Variants in SORT1 observed in about 807,000 individuals in gnomAD.
SORT1 encodes the protein sortilin 1.
SORT1 carries 39 observed loss-of-function variants against 101.7 expected under a neutral mutation model. The ratio of observed to expected loss-of-function variants is 0.38; its 90% CI spans 0.30 to 0.50. The LOEUF (loss-of-function observed/expected upper bound fraction) is 0.50, where lower values mean the gene tolerates loss of function less well. SORT1 is among the 20% of genes least tolerant of loss of function. SORT1 has a pLI of 0.90. For synonymous variants in SORT1, 396 were observed against 393.7 expected, an observed-to-expected ratio of 1.01 and a Z score of -0.07; for missense variants, 878 against 1,040.4, an observed-to-expected ratio of 0.84 and a Z score of 2.15.
At chr1:109,371,974 A>C (rs1366594881) in intron 1 of SORT1, among the ~76,000 whole-genome samples, 1 of 152,232 alleles carries the variant, frequency 6.6e-6, no homozygotes, top group Non-Finnish European at 1.5e-5. Flanking sequence ...AAGAAAAATG[A>C]AATGAGATGT....
At chr1:109,339,016 T>C (rs1276370928) in intron 10 of SORT1, among the ~76,000 whole-genome samples, 1 of 152,138 alleles carries the variant, frequency 6.6e-6, no homozygotes, top group African/African-American at 2.4e-5. Flanking sequence ...TAGCTGGGAC[T>C]ACAGGTGTCC....
At chr1:109,341,006 G>T in intron 9 of SORT1, 127 bp from the exon 10 acceptor site, 1 of 678,466 alleles carries the variant, frequency 1.5e-6, no homozygotes, top group Non-Finnish European at 2.4e-6. Flanking sequence ...TCATGATGAA[G>T]ACTCAGACCT....
chr1:109,339,671 T>C (rs977461127), intron 10 of SORT1, among the ~76,000 whole-genome samples: 6 of 152,202 alleles, frequency 3.9e-5, no homozygotes, highest in African/African-American at 1.2e-4. Context: ...GGAAAACCCA[T>C]TGGTATTTCC....
At position 109,316,181 on chromosome 1, in the gene SORT1, T is replaced by G. The variant is rs147884127; in HGVS notation, c.2250+669A>C. Reference sequence around the variant, plus strand: ...CTACCTATTGCCCAGTGCTCTTCTCTTCCACACATGCACAATTCCAGGTCA... The same window carrying G: ...CTACCTATTGCCCAGTGCTCTTCTCGTCCACACATGCACAATTCCAGGTCA... On this transcript the variant is annotated intron_variant, in intron 17 of 19. Transcript: ENST00000256637. Among the ~76,000 whole-genome samples the G allele has an allele frequency of 4.5e-4, 69 of 152,216 alleles. No individual in the cohort carries two copies. In the East Asian group the frequency reaches 4.6e-3, roughly 10 times the overall value.
At chr1:109,370,258 G>A (rs1651404418) in intron 1 of SORT1, among the ~76,000 whole-genome samples, 2 of 152,144 alleles carry the variant, frequency 1.3e-5, no homozygotes, top group African/African-American at 2.4e-5. Context: ...AATAATCATT[G>A]TAGGTGGTTT....
rs1653269256 is a variant in SORT1, at chr1:109,397,567, C to A, written c.306+20G>T. 6.0e-6 allele frequency: 7 copies of A among 1,173,628 alleles called. No individual in the cohort carries two copies. Among genetic ancestry groups the A allele is most frequent in the African/African-American group, 1.7e-5 (1 of 60,554 alleles). 72.7% of individuals were successfully genotyped at this position (1,173,628 alleles called of 1,614,324 possible). ...CGGCACCTCGCACCCGAGCGGCTCC[C>A]GGGCCCGGCGCCCGCTCACCTGGTG... On this transcript the variant is annotated intron_variant, in intron 1 of 19. Transcript: ENST00000256637.
In SORT1 at chr1:109,397,892, T is replaced by TCGCCGCCGAATGCCGC. The variant is rs1553202434; in HGVS notation, c.-16_-1dup. ...TCCGCAGCTCCCCAGGGCCGCTCCA[T>TCGCCGCCGAATGCCGC]CGCCGCCGAATGCCGCCGACGCCGA... On this transcript the variant is annotated 5_prime_UTR_variant, in exon 1 of 20. Transcript: ENST00000256637. 8.6e-7 allele frequency: 1 copy of TCGCCGCCGAATGCCGC among 1,162,388 alleles called. No individual in the cohort carries two copies. The highest frequency in any genetic ancestry group is 1.6e-5 in the African/African-American group (1 of 60,840). The allele number at this position is 1,162,388 out of a possible 1,614,324, so 72.0% of individuals were successfully genotyped here. A position where few individuals can be genotyped will look rare whatever the true frequency, so the allele number is the denominator to read the frequency against.
At chr1:109,360,519 T>C (rs1650652977) in intron 3 of SORT1, among the ~76,000 whole-genome samples, 1 of 147,576 alleles carries the variant, frequency 6.8e-6, no homozygotes, top group East Asian at 2.0e-4. Flanking sequence ...TTTTTTTTGG[T>C]AGAGATGGGT....
chr1:109,325,421 A>G (rs1647938255), intron 13 of SORT1, among the ~76,000 whole-genome samples: 1 of 151,418 alleles, frequency 6.6e-6, no homozygotes, highest in Non-Finnish European at 1.5e-5. Context: ...TTGTATTTTT[A>G]GTAGAAATGG....
chr1:109,346,270 G>A (rs984047966), intron 7 of SORT1, among the ~76,000 whole-genome samples: 15 of 149,014 alleles, frequency 1.0e-4, no homozygotes, highest in African/African-American at 3.5e-4. Flanking sequence ...CAGAGATCGC[G>A]CCACTGTGCT....
intron 14 of SORT1, 95 bp from the exon 15 acceptor site, chr1:109,323,216 A>C: frequency 1.2e-6 from 1 of 839,956 alleles, no homozygotes; most frequent in Admixed American, 2.2e-5. Context: ...GGAGAGGGAA[A>C]GTGGGAATGT....
chr1:109,358,419 C>A (rs1650472709), intron 3 of SORT1, among the ~76,000 whole-genome samples: 1 of 152,168 alleles, frequency 6.6e-6, no homozygotes, highest in Non-Finnish European at 1.5e-5. Flanking sequence ...TATTTTCTAT[C>A]AGCCTATGTC....
chr1:109,382,628 T>A (rs1475404321), intron 1 of SORT1, among the ~76,000 whole-genome samples: 1 of 152,198 alleles, frequency 6.6e-6, no homozygotes, highest in Non-Finnish European at 1.5e-5. Context: ...GAGCCTTTTG[T>A]CCATTACCTA....
chr1:109,390,937 A>G (rs1313650536), intron 1 of SORT1, among the ~76,000 whole-genome samples: 1 of 152,212 alleles, frequency 6.6e-6, no homozygotes, highest in Non-Finnish European at 1.5e-5. Flanking sequence ...AATTAATCAC[A>G]TATAAGTTTC....
chr1:109,329,131 G>A (rs1423213261), intron 11 of SORT1, among the ~76,000 whole-genome samples: 2 of 152,160 alleles, frequency 1.3e-5, no homozygotes, highest in African/African-American at 2.4e-5. Flanking sequence ...ACCTGGTAAG[G>A]GCTTCCCCTG....
At chr1:109,315,320 G>T (rs1355478956) in intron 17 of SORT1, among the ~76,000 whole-genome samples, 1 of 152,024 alleles carries the variant, frequency 6.6e-6, no homozygotes, top group African/African-American at 2.4e-5. Context: ...TGGGAAATAG[G>T]GAGTGTGTGT....
intron 1 of SORT1, chr1:109,392,749 A>C (rs1306301781): frequency 1.0e-6 from 1 of 984,654 alleles, no homozygotes; most frequent in Non-Finnish European, 1.2e-6. Flanking sequence ...CCAATGCATA[A>C]GTCATTTTAA....
chr1:109,388,565 T>A (rs1652720363), intron 1 of SORT1, among the ~76,000 whole-genome samples: 1 of 152,214 alleles, frequency 6.6e-6, no homozygotes, highest in Admixed American at 6.5e-5. Flanking sequence ...TTAATCCAGA[T>A]GCAGTTCTTG....
chr1:109,343,848 G>A lies in SORT1; in HGVS notation c.964-1690C>T, dbSNP rs113652008. Among the ~76,000 whole-genome samples, 548 of 152,068 alleles carry A rather than the reference G, an allele frequency of 3.6e-3. 4 individuals carry two copies. The highest frequency in any genetic ancestry group is 0.012 in the African/African-American group (491 of 41,472). ...TATCTTTTAGTAGAGACAGGGTTTC[G>A]CCATGTTGGCCAGGCTGCTCTCAAA... On this transcript the variant is annotated intron_variant, in intron 8 of 19. Coordinates refer to ENST00000256637, the MANE Select transcript of SORT1 (RefSeq NM_002959.7).
Sources: allele counts gnomAD v4.1 joint callset (sites outside exome capture counted in the v4.1 genomes callset), GRCh38; gene constraint gnomAD v4.1.1; transcripts MANE v1.5; gene names NCBI Gene and HGNC (gene_info 2026-07-23, HGNC 2026-07-21).